GPHN: variants seen among roughly 807,000 people sequenced by gnomAD.
The protein encoded by GPHN is gephyrin.
GPHN carries 17 observed loss-of-function variants against 95.5 expected under a neutral mutation model. That is an observed-to-expected ratio of 0.18 (90% CI 0.12 to 0.27). The LOEUF is 0.27. Ranked by LOEUF, GPHN falls within the 10% of genes least tolerant of loss-of-function variation. The pLI, the probability that GPHN is intolerant of heterozygous loss-of-function variation, is 1.00. For missense variants in GPHN, 660 were observed against 978.1 expected (o/e 0.67, Z 4.34); for synonymous variants, 320 against 322.5 (o/e 0.99, Z 0.08).
the GPHN span, chr14:67,573,998 A>G: frequency 3.4e-5 from 28 of 820,758 alleles, no homozygotes; most frequent in Non-Finnish European, 5.2e-5. This position sits in a 1 kb window ranked among gnomAD's most constrained non-coding sequence, Gnocchi z 4.8. Context: ...AAGACTTCAG[A>G]TCAACATTTG....
intron 17 of GPHN, among the ~76,000 whole-genome samples, chr14:67,134,437 A>G (rs907258050): frequency 6.6e-6 from 1 of 152,190 alleles, no homozygotes; most frequent in Non-Finnish European, 1.5e-5. Context: ...GTTTATGATT[A>G]TATGTTTAGC....
intron 2 of GPHN, among the ~76,000 whole-genome samples, chr14:66,709,640 A>G (rs2069426297): frequency 2.0e-5 from 3 of 152,222 alleles, no homozygotes; most frequent in Non-Finnish European, 4.4e-5. Flanking sequence ...TTCAGATCAC[A>G]GTTGACCTTG....
intron 4 of GPHN, among the ~76,000 whole-genome samples, chr14:66,866,606 A>G (rs1011183694): frequency 1.3e-5 from 2 of 152,160 alleles, no homozygotes; most frequent in Admixed American, 6.5e-5. Context: ...TATGTACTTG[A>G]GTTGGTTCTT....
At chr14:66,753,902 A>G (rs577695269) in intron 2 of GPHN, among the ~76,000 whole-genome samples, 1 of 152,098 alleles carries the variant, frequency 6.6e-6, no homozygotes, top group African/African-American at 2.4e-5. Flanking sequence ...TGTAACCACA[A>G]ATCTACTTCC....
chr14:67,340,704 C>A, the GPHN span, among the ~76,000 whole-genome samples: 3 of 152,202 alleles, frequency 2.0e-5, no homozygotes, highest in Non-Finnish European at 4.4e-5. Flanking sequence ...CCTCTCCCCA[C>A]GGTCTCCCTC....
chr14:66,824,480 C>G lies in GPHN; in HGVS notation c.208C>G (p.Leu70Val). The G allele has an allele frequency of 6.4e-7, 1 of 1,568,814 alleles. No homozygotes were observed. Residue 70 changes from leucine (L) to valine (V), a missense_variant, in exon 4 of 23, where the codon CTG (leucine) becomes GTG (valine). Physicochemically the swap from Leu to Val is conservative, Grantham distance 32 (BLOSUM62 1). Around this residue, in one of 6 missense-constraint regions of GPHN, gnomAD observed 92 missense variants for 91.9 expected, o/e 1.00. Transcript: ENST00000478722. ...TACTATTGTTTTCTTTCAGGAAACC[C>G]TGATAGATTGGTGTGATGAAAAGGA... ...PDEIEEIKETLIDWCDEKELN... is the reference protein window; with the variant it reads ...PDEIEEIKETVIDWCDEKELN...
At chr14:67,665,259 C>CTTT in the GPHN span, among the ~76,000 whole-genome samples, 21 of 126,530 alleles carry the variant, frequency 1.7e-4, no homozygotes, top group Non-Finnish European at 2.9e-4. Flanking sequence ...TCAGTTATAT[C>CTTT]TTTTTTTTTT....
At chr14:67,058,913 CTTTTT>C in intron 11 of GPHN, 127 bp downstream of exon 11, 1 of 855,128 alleles carries the variant, frequency 1.2e-6, no homozygotes. Context: ...TATCATCATT[CTTTTT>C]TTTTCTTATT....
chr14:67,627,919 G>A, the GPHN span, among the ~76,000 whole-genome samples: 1 of 152,218 alleles, frequency 6.6e-6, no homozygotes, highest in South Asian at 2.1e-4. Flanking sequence ...GGTTATTAAA[G>A]TTCTGGGTTC....
chr14:67,578,076 T>C, the GPHN span: 1 of 1,613,930 alleles, frequency 6.2e-7, no homozygotes, highest in South Asian at 1.1e-5. This position sits in a 1 kb window ranked among gnomAD's most constrained non-coding sequence, Gnocchi z 5.0. Flanking sequence ...TGGACTACCA[T>C]GTGTCCCTGG....
chr14:66,572,482 CTG>C (rs60787589), intron 1 of GPHN, among the ~76,000 whole-genome samples: 1,940 of 148,228 alleles, frequency 0.013, 21 homozygotes, highest in Non-Finnish European at 0.019. Flanking sequence ...ATTTATTCCT[CTG>C]TGTGTGTGTG....
downstream of GPHN, among the ~76,000 whole-genome samples, chr14:67,186,449 A>C (rs1743467214): frequency 6.6e-6 from 1 of 152,208 alleles, no homozygotes; most frequent in Non-Finnish European, 1.5e-5. Context: ...AGGCCTAGAA[A>C]AAAAGCACAG....
chr14:67,444,885 G>A, the GPHN span, among the ~76,000 whole-genome samples: 9 of 152,104 alleles, frequency 5.9e-5, no homozygotes, highest in Admixed American at 5.9e-4. Context: ...TCAGCCTCCT[G>A]AGTAGCTGGG....
chr14:67,195,500 A>G, the GPHN span, among the ~76,000 whole-genome samples: 86 of 152,278 alleles, frequency 5.6e-4, no homozygotes, highest in East Asian at 2.1e-3. Flanking sequence ...TGTGAACCGT[A>G]GACACACCCT....
intron 3 of GPHN, among the ~76,000 whole-genome samples, chr14:66,800,045 A>G (rs1183211302): frequency 6.6e-6 from 1 of 152,080 alleles, no homozygotes; most frequent in Non-Finnish European, 1.5e-5. Flanking sequence ...ACAACTTAAC[A>G]CTTTTTGCAT....
At chr14:66,803,798 T>A (rs1484889131) in intron 3 of GPHN, among the ~76,000 whole-genome samples, 2 of 152,146 alleles carry the variant, frequency 1.3e-5, no homozygotes, top group Admixed American at 6.5e-5. Context: ...TTTCTCCCTT[T>A]TACCTGTGTT....
chr14:67,007,219 T>A (rs953451177), intron 9 of GPHN, among the ~76,000 whole-genome samples: 1 of 152,200 alleles, frequency 6.6e-6, no homozygotes, highest in East Asian at 1.9e-4. Flanking sequence ...AGTTTCACCT[T>A]GAAAATATAA....
chr14:66,837,604 TAAATAAA>T (rs1191708507), intron 4 of GPHN, among the ~76,000 whole-genome samples: 1 of 135,754 alleles, frequency 7.4e-6, no homozygotes, highest in Non-Finnish European at 1.5e-5. Flanking sequence ...TAAAAATAAA[TAAATAAA>T]TAAAAATAAA....
the GPHN span, among the ~76,000 whole-genome samples, chr14:67,323,232 C>CGTGT: frequency 3.0e-3 from 435 of 143,614 alleles, 1 homozygote; most frequent in South Asian, 0.013. Flanking sequence ...CATATATACA[C>CGTGT]GTGTGTGTGT....
Sources: gnomAD v4.1 joint callset for allele counts (sites outside exome capture counted in the v4.1 genomes callset) on GRCh38, gnomAD v4.1.1 for gene constraint, gnomAD v4.1.1 regional missense constraint, Gnocchi (gnomAD v3.1) non-coding constraint, MANE v1.5 for transcripts, NCBI Gene and HGNC (gene_info 2026-07-23, HGNC 2026-07-21) for gene names.